The following ANTXR2 variants were observed in gnomAD, a reference collection of about 807,000 sequenced individuals.
ANTXR2 encodes ANTXR cell adhesion molecule 2.
A neutral mutation model predicts 73.7 loss-of-function variants in ANTXR2; 44 were observed. That is an observed-to-expected ratio of 0.60 (90% CI 0.47 to 0.77). The LOEUF is 0.77. Among genes scored for constraint, ANTXR2 ranks in the 30% least tolerant of loss-of-function variants. ANTXR2 has a pLI of 0.00. For missense variants in ANTXR2, 604 were observed against 592.5 expected (o/e 1.02, Z -0.20); for synonymous variants, 217 against 205.9 (o/e 1.05, Z -0.46).
chr4:79,950,687 T>C (rs903169822), intron 16 of ANTXR2, among the ~76,000 whole-genome samples: 5 of 152,192 alleles, frequency 3.3e-5, no homozygotes, highest in Middle Eastern at 6.3e-3. Flanking sequence ...TATTCATTAT[T>C]AAAGTAGACC....
chr4:80,001,972 T>C (rs1731064570), intron 12 of ANTXR2, among the ~76,000 whole-genome samples: 1 of 152,184 alleles, frequency 6.6e-6, no homozygotes, highest in African/African-American at 2.4e-5. Context: ...TTCCTGAAAA[T>C]GGCCATACTG....
intron 16 of ANTXR2, among the ~76,000 whole-genome samples, chr4:79,934,134 A>G (rs930378628): frequency 1.1e-4 from 16 of 152,188 alleles, no homozygotes; most frequent in Admixed American, 8.5e-4. Flanking sequence ...GTATATAAAA[A>G]GCAATAAAAT....
chr4:79,915,532 AAC>A (rs1285244031), intron 16 of ANTXR2, among the ~76,000 whole-genome samples: 6 of 152,154 alleles, frequency 3.9e-5, no homozygotes, highest in Non-Finnish European at 8.8e-5. Flanking sequence ...AGACTTTTCA[AAC>A]ACAGTTAGCT....
At chr4:79,991,134 C>A (rs1006835443) in intron 12 of ANTXR2, among the ~76,000 whole-genome samples, 1 of 151,922 alleles carries the variant, frequency 6.6e-6, no homozygotes, top group Non-Finnish European at 1.5e-5. Flanking sequence ...TTCTGCACAG[C>A]GAAAGAAACT....
intron 16 of ANTXR2, among the ~76,000 whole-genome samples, chr4:79,956,075 C>T (rs1374399691): frequency 2.0e-5 from 3 of 152,144 alleles, no homozygotes; most frequent in African/African-American, 4.8e-5. Flanking sequence ...GGTTGAATTA[C>T]ACAACTTCTA....
chr4:79,963,283 C>A (rs1354218102), intron 16 of ANTXR2, among the ~76,000 whole-genome samples: 1 of 152,004 alleles, frequency 6.6e-6, no homozygotes, highest in African/African-American at 2.4e-5. Flanking sequence ...AGAGGTAGAG[C>A]CCAAAGCCTT....
rs1732799772 is a variant in ANTXR2, at chr4:80,033,512, A to G, written c.756T>C (p.Ser252=). The G allele has an allele frequency of 1.9e-6, 3 of 1,601,016 alleles. No homozygotes were observed. The highest frequency in any genetic ancestry group is 2.6e-6 in the Non-Finnish European group (3 of 1,175,168). The part of the protein sequence containing the change: ...RGFMLGSRNG[S]VLCTYTVNET... ...CATTTACAGTGTAAGTGCAGAGAAC[A>G]CTGCCATTCCGACTGCCCAGCATGA... is the stretch of plus-strand genomic sequence containing the variant. The change falls in exon 9 of 17, where the codon AGT becomes AGC. Residue 252 remains serine (S), a synonymous_variant. Coordinates refer to ENST00000403729, the MANE Select transcript of ANTXR2 (RefSeq NM_058172.6).
chr4:80,016,181 T>C (rs1731861577), intron 11 of ANTXR2, among the ~76,000 whole-genome samples: 1 of 152,198 alleles, frequency 6.6e-6, no homozygotes, highest in Admixed American at 6.5e-5. Context: ...CCGTAGAGTT[T>C]GGGAATCACA....
intron 10 of ANTXR2, chr4:80,024,748 G>T (rs1465198561): frequency 2.3e-6 from 1 of 433,236 alleles, no homozygotes; most frequent in Non-Finnish European, 4.6e-6. Context: ...GTGACAGTGA[G>T]ACCCCACCTC....
intron 3 of ANTXR2, among the ~76,000 whole-genome samples, chr4:80,067,193 G>A (rs993523254): frequency 1.4e-5 from 2 of 147,244 alleles, no homozygotes; most frequent in Admixed American, 6.7e-5. Flanking sequence ...GCAACAGAAC[G>A]AGACTCTGTC....
chr4:79,951,821 A>G (rs980517533), intron 16 of ANTXR2, among the ~76,000 whole-genome samples: 5 of 152,136 alleles, frequency 3.3e-5, no homozygotes, highest in Non-Finnish European at 4.4e-5. Context: ...TTCCTTAATA[A>G]CTCAAACAGC....
chr4:79,988,232 TA>T (rs34182137), intron 12 of ANTXR2, among the ~76,000 whole-genome samples: 1 of 444 alleles, frequency 2.3e-3, no homozygotes, highest in Non-Finnish European at 4.6e-3. Context: ...ATAAATTTTA[TA>T]TATATATATA....
intron 11 of ANTXR2, among the ~76,000 whole-genome samples, chr4:80,014,404 T>C (rs891329381): frequency 6.6e-6 from 1 of 151,616 alleles, no homozygotes; most frequent in Non-Finnish European, 1.5e-5. Context: ...CCGTCTCTAC[T>C]AAAAATAAAA....
intron 7 of ANTXR2, among the ~76,000 whole-genome samples, chr4:80,049,559 C>G (rs541315476): frequency 1.3e-5 from 2 of 151,832 alleles, no homozygotes; most frequent in South Asian, 2.1e-4. Flanking sequence ...CACCTGGCCT[C>G]TAACTCCCTA....
intron 16 of ANTXR2, among the ~76,000 whole-genome samples, chr4:79,959,744 A>G (rs1729075373): frequency 6.6e-6 from 1 of 152,224 alleles, no homozygotes. Context: ...AAAATGGCTA[A>G]GTCCCGCTAA....
intron 12 of ANTXR2, among the ~76,000 whole-genome samples, chr4:80,003,241 A>C (rs886497927): frequency 6.6e-6 from 1 of 151,948 alleles, no homozygotes; most frequent in African/African-American, 2.4e-5. Context: ...ATAAAAAATG[A>C]TGAGTTCATG....
At chr4:79,996,043 A>G (rs1165268674) in intron 12 of ANTXR2, among the ~76,000 whole-genome samples, 7 of 151,968 alleles carry the variant, frequency 4.6e-5, no homozygotes, top group Admixed American at 1.3e-4. Context: ...ACTCTGTGCA[A>G]TCACTATGTT....
At chr4:79,915,012 C>T (rs781135603) in intron 16 of ANTXR2, among the ~76,000 whole-genome samples, 17 of 152,214 alleles carry the variant, frequency 1.1e-4, no homozygotes, top group South Asian at 4.1e-4. Context: ...AACTCACAAT[C>T]GGAATCTTTA....
At chr4:80,022,723 T>C (rs1732226240) in intron 10 of ANTXR2, among the ~76,000 whole-genome samples, 2 of 152,190 alleles carry the variant, frequency 1.3e-5, no homozygotes, top group African/African-American at 4.8e-5. Context: ...TAAAACAACA[T>C]TGTGTTTACT....
Sources: gnomAD v4.1 joint callset for allele counts (sites outside exome capture counted in the v4.1 genomes callset) on GRCh38, gnomAD v4.1.1 for gene constraint, MANE v1.5 for transcripts, NCBI Gene and HGNC (gene_info 2026-07-23, HGNC 2026-07-21) for gene names.